ZNF577: variants seen among roughly 807,000 people sequenced by gnomAD.
The protein encoded by ZNF577 is zinc finger protein 577.
A neutral mutation model predicts 13.9 loss-of-function variants in ZNF577; 14 were observed. The observed-to-expected ratio is 1.00, with a 90% CI of 0.66 to 1.57. The LOEUF (loss-of-function observed/expected upper bound fraction) is 1.57, where lower values mean the gene tolerates loss of function less well. Among genes scored for constraint, ZNF577 ranks in the 40% most tolerant of loss-of-function variants. The pLI is 0.00. For synonymous variants in ZNF577, 203 were observed against 202.9 expected, an observed-to-expected ratio of 1.00 and a Z score of 0.00; for missense variants, 555 against 579.2, an observed-to-expected ratio of 0.96 and a Z score of 0.43.
At position 51,824,815 on chromosome 19, in the gene ZNF577, G is replaced by A. The variant is rs201810419; in HGVS notation, c.*600-13141C>T. 322 of 1,597,768 alleles carry A rather than the reference G, an allele frequency of 2.0e-4. No homozygotes were observed. The highest frequency in any genetic ancestry group is 2.1e-4 in the Non-Finnish European group (249 of 1,171,072). ...ACGGAGTTACAAGCAATGTGAGGTC[G>A]GGGATATTTTTGGGCTCTGTCTCTT... On this transcript the variant is annotated intron_variant and NMD_transcript_variant, in intron 9 of 10. Coordinates refer to the ZNF577 transcript ENST00000638827. The surrounding 1 kb of genome is among the most constrained non-coding windows in gnomAD (Gnocchi z 4.7).
intron 5 of ZNF577, among the ~76,000 whole-genome samples, chr19:51,856,581 G>A (rs555107689): frequency 6.6e-6 from 1 of 152,110 alleles, no homozygotes; most frequent in South Asian, 2.1e-4. Flanking sequence ...CCGTATTTTG[G>A]GTGTATGTCT....
At chr19:51,876,332 C>T (rs987098182) in intron 5 of ZNF577, among the ~76,000 whole-genome samples, 2 of 151,826 alleles carry the variant, frequency 1.3e-5, no homozygotes, top group African/African-American at 2.4e-5. Flanking sequence ...CGACACGCAG[C>T]GGGTTAGAGT....
At position 51,876,590 on chromosome 19, in the gene ZNF577, C is replaced by A. The variant is rs949391434; in HGVS notation, c.283+692G>T. On this transcript the variant is annotated intron_variant, in intron 5 of 5. Transcript: ENST00000638348. ...TTTCAGTGAAGGAAATCAGGCCTTT[C>A]CAGAGGGGCCGGGATACACTTTTAA... 3.3e-5 allele frequency among the ~76,000 whole-genome samples: 5 copies of A among 152,018 alleles called. No homozygotes were observed. The East Asian group carries it at 9.7e-4, about 29-fold the overall frequency.
In ZNF577 at chr19:51,869,668, A is replaced by G. The variant is rs1397945455; in HGVS notation, c.*2864T>C. 6.6e-6 allele frequency among the ~76,000 whole-genome samples: 1 copy of G among 152,158 alleles called. No homozygotes were observed. Among genetic ancestry groups the G allele is most frequent in the Non-Finnish European group, 1.5e-5 (1 of 68,032 alleles). ...TCTCTCGTCCCCCCTGACGAGAAACACCCACAGGTGTGGACGGGCTGGACC... is the reference window on the plus strand; with the variant it reads ...TCTCTCGTCCCCCCTGACGAGAAACGCCCACAGGTGTGGACGGGCTGGACC... On this transcript the variant is annotated 3_prime_UTR_variant, in exon 6 of 6. Coordinates refer to ENST00000638348, the MANE Select transcript of ZNF577 (RefSeq NM_001370449.1).
Position 51,867,729 on chromosome 19 carries a change from G to C in ZNF577, c.*4803C>G, listed in dbSNP as rs1312267674. On this transcript the variant is annotated 3_prime_UTR_variant, in exon 6 of 6. Transcript: ENST00000638348. ...GAAACCGGAAGGTGGAGGTTGCAGT[G>C]ACCCACGATTACGCCACTGCACTCC... Among the ~76,000 whole-genome samples the C allele has an allele frequency of 6.6e-6, 1 of 152,054 alleles. No individual in the cohort carries two copies. Among genetic ancestry groups the C allele is most frequent in the Non-Finnish European group, 1.5e-5 (1 of 68,022 alleles).
chr19:51,808,082 T>C lies in ZNF577; in HGVS notation c.*818-2828A>G, dbSNP rs552596628. On this transcript the variant is annotated intron_variant and NMD_transcript_variant, in intron 10 of 10. Coordinates refer to the ZNF577 transcript ENST00000638827. ...ATGAGGCATGTCTCTGCTGTAACAT[T>C]TGCTCTACAAGCTGTAATTTGGCTT... is the stretch of plus-strand genomic sequence containing the variant. Among the ~76,000 whole-genome samples the C allele has an allele frequency of 5.3e-5, 8 of 152,356 alleles. No homozygotes were observed. In the South Asian group the frequency reaches 1.4e-3, roughly 28 times the overall value.
chr19:51,854,495 A>ATT (rs2084398257), intron 5 of ZNF577, among the ~76,000 whole-genome samples: 3 of 91,856 alleles, frequency 3.3e-5, no homozygotes, highest in African/African-American at 1.7e-4. Context: ...TGCCCAGCTA[A>ATT]ATTTTTTTTT....
chr19:51,873,643 C>A lies in ZNF577; in HGVS notation c.347G>T (p.Arg116Ile). 1 of 1,614,086 alleles carries A rather than the reference C, an allele frequency of 6.2e-7. No individual in the cohort carries two copies. The highest frequency in any genetic ancestry group is 8.5e-7 in the Non-Finnish European group (1 of 1,179,974). The change falls in exon 6 of 6, where the codon AGA becomes ATA. Residue 116 changes from arginine to isoleucine, a missense_variant. By Grantham distance (97) the Arg-to-Ile change is moderately conservative (BLOSUM62 -3). Coordinates refer to ENST00000638348, the MANE Select transcript of ZNF577 (RefSeq NM_001370449.1). ...KDSDAFGGYG[R>I]SCLHIKRDKT... ...GTCACGCTTGATATGGAGGCATGAT[C>A]TCCCATATCCACCAAATGCATCAGA...
chr19:51,875,380 AAAAAGAG>A (rs1426048955), intron 5 of ZNF577, among the ~76,000 whole-genome samples: 186 of 151,574 alleles, frequency 1.2e-3, no homozygotes, highest in African/African-American at 3.4e-3. Context: ...AAAAAAAAAA[AAAAAGAG>A]AGAGCTCCAA....
rs529306186 is a variant in ZNF577 at position 51,842,058 on chromosome 19, T to G, written c.*374+763A>C. On this transcript the variant is annotated intron_variant and NMD_transcript_variant, in intron 8 of 10. Transcript: ENST00000638827. Reference sequence around the variant, plus strand: ...TTGAAGGACACAGGTGTCATCAAACTTGGAAAAGATTCTAGGAATATTTGA... The same window carrying G: ...TTGAAGGACACAGGTGTCATCAAACGTGGAAAAGATTCTAGGAATATTTGA... Among the ~76,000 whole-genome samples the G allele has an allele frequency of 5.1e-4, 77 of 152,270 alleles. No individual in the cohort carries two copies. In the South Asian group the frequency reaches 0.016, roughly 31 times the overall value.
At chr19:51,813,192 G>C (rs139148152) in intron 9 of ZNF577, among the ~76,000 whole-genome samples, 308 of 151,566 alleles carry the variant, frequency 2.0e-3, no homozygotes, top group Middle Eastern at 0.014. Flanking sequence ...AGTTCTGGGG[G>C]CTGTAAAGTC....
chr19:51,804,930 G>A (rs984025637), exon 11 of ZNF577: 4 of 152,282 alleles, frequency 2.6e-5, no homozygotes, highest in Admixed American at 1.3e-4. Flanking sequence ...GGAAGAAGAG[G>A]TCAGTTGGTT....
rs951261967 is a variant in ZNF577 at position 51,868,349 on chromosome 19, G to C, written c.*4183C>G. On this transcript the variant is annotated 3_prime_UTR_variant, in exon 6 of 6. Coordinates refer to ENST00000638348, the MANE Select transcript of ZNF577 (RefSeq NM_001370449.1). Reference sequence around the variant, plus strand: ...GGGGTGTAAAAGGAGAAAGTCAGCAGAGTAAGGTTAGGTAAGACCCATGCC... The same window carrying C: ...GGGGTGTAAAAGGAGAAAGTCAGCACAGTAAGGTTAGGTAAGACCCATGCC... Among the ~76,000 whole-genome samples the C allele has an allele frequency of 2.6e-5, 4 of 152,170 alleles. No homozygotes were observed. Among genetic ancestry groups the C allele is most frequent in the Non-Finnish European group, 4.4e-5 (3 of 68,034 alleles).
At chr19:51,858,829 AAT>A (rs1273044625) in intron 5 of ZNF577, among the ~76,000 whole-genome samples, 3 of 152,128 alleles carry the variant, frequency 2.0e-5, no homozygotes, top group East Asian at 3.8e-4. Flanking sequence ...TTTCTTTTTA[AAT>A]ATATTTTTCT....
intron 5 of ZNF577, among the ~76,000 whole-genome samples, chr19:51,854,166 A>C (rs200453990): frequency 6.6e-6 from 1 of 152,186 alleles, no homozygotes; most frequent in African/African-American, 2.4e-5. Context: ...TGTAGCAGAA[A>C]ATCCACGAAT....
intron 9 of ZNF577, among the ~76,000 whole-genome samples, chr19:51,816,408 C>T (rs534805082): frequency 1.3e-5 from 2 of 152,226 alleles, no homozygotes; most frequent in South Asian, 2.1e-4. Context: ...CCACTACACC[C>T]GGTTAATTTT....
At position 51,872,810 on chromosome 19, in the gene ZNF577, TC is replaced by T. The variant is rs1324927688; in HGVS notation, c.1179del (p.Ser394ValfsTer7). On this transcript the variant is annotated frameshift_variant, in exon 6 of 6. Transcript: ENST00000638348. LOFTEE classifies it low-confidence loss of function (END_TRUNC). ...NSLTVEKPSSRSHTSLYMSEL... is the reference protein window; with the variant it reads ...NSLTVEKPSSXSHTSLYMSEL... ...TCGCTCATGTATAAGGAGGTATGACTCCTTGAGGAAGGTTTCTCCACCGTCA... is the reference window on the plus strand; with the variant it reads ...TCGCTCATGTATAAGGAGGTATGACTCTTGAGGAAGGTTTCTCCACCGTCA... 5 of 1,614,114 alleles carry T rather than the reference TC, an allele frequency of 3.1e-6. No individual in the cohort carries two copies. The highest frequency in any genetic ancestry group is 4.2e-6 in the Non-Finnish European group (5 of 1,180,044).
chr19:51,836,634 G>A (rs1394099165), intron 9 of ZNF577, among the ~76,000 whole-genome samples: 4 of 152,156 alleles, frequency 2.6e-5, no homozygotes, highest in African/African-American at 7.2e-5. Flanking sequence ...AGTCAAACCT[G>A]GAAGTAACTC....
intron 5 of ZNF577, among the ~76,000 whole-genome samples, chr19:51,859,000 TC>T (rs749251868): frequency 2.0e-5 from 3 of 152,216 alleles, no homozygotes; most frequent in Non-Finnish European, 4.4e-5. Context: ...GATTGCATTC[TC>T]CCTTCCCCTC....
Sources: gnomAD v4.1 joint callset for allele counts (sites outside exome capture counted in the v4.1 genomes callset) on GRCh38, gnomAD v4.1.1 for gene constraint, Gnocchi (gnomAD v3.1) non-coding constraint, MANE v1.5 for transcripts, NCBI Gene and HGNC (gene_info 2026-07-23, HGNC 2026-07-21) for gene names.